The following GSE1 variants were observed in gnomAD, a reference collection of about 807,000 sequenced individuals.
GSE1 encodes genetic suppressor element 1.
In GSE1, 32 loss-of-function variants were observed where a neutral mutation model predicts 112.6. That is an observed-to-expected ratio of 0.28 (90% CI 0.21 to 0.38). The LOEUF (loss-of-function observed/expected upper bound fraction) is 0.38. Among genes scored for constraint, GSE1 ranks in the 10% least tolerant of loss-of-function variants. GSE1 has a pLI of 1.00. For missense variants in GSE1, 2,348 were observed against 1,699.2 expected, an observed-to-expected ratio of 1.38 and a Z score of -6.71; for synonymous variants, 1,115 against 735.6, an observed-to-expected ratio of 1.52 and a Z score of -8.35.
intron 1 of GSE1, among the ~76,000 whole-genome samples, chr16:85,624,710 G>A (rs1323450915): frequency 6.6e-6 from 1 of 152,234 alleles, no homozygotes; most frequent in African/African-American, 2.4e-5. Context: ...TAGGCTGGGA[G>A]TGAGCATCCC....
At chr16:85,597,950 C>T (rs1479656469) in intron 1 of GSE1, among the ~76,000 whole-genome samples, 3 of 152,102 alleles carry the variant, frequency 2.0e-5, no homozygotes, top group Non-Finnish European at 4.4e-5. Flanking sequence ...GATCGGCCCT[C>T]AGGGTATTCA....
chr16:85,555,677 C>G (rs1396203728), upstream of GSE1: 5 of 864,706 alleles, frequency 5.8e-6, no homozygotes, highest in African/African-American at 3.8e-5. Context: ...CTCCCGCCGC[C>G]CCCCCCTTCC....
chr16:85,233,614 G>C (rs934214711), intron 1 of GSE1, among the ~76,000 whole-genome samples: 4 of 152,222 alleles, frequency 2.6e-5, no homozygotes, highest in Non-Finnish European at 5.9e-5. Flanking sequence ...TGTGGCCTCT[G>C]CATGTGTGTG....
intron 1 of GSE1, among the ~76,000 whole-genome samples, chr16:85,221,787 C>T (rs926513503): frequency 3.3e-5 from 5 of 149,554 alleles, no homozygotes; most frequent in Admixed American, 6.7e-5. Flanking sequence ...CCTGGCATCT[C>T]GGGGTGGGGT....
In GSE1 at chr16:85,443,506, C is replaced by T. The variant is rs564114047; in HGVS notation, c.2464+85863C>T. 1.5e-3 allele frequency among the ~76,000 whole-genome samples: 235 copies of T among 152,310 alleles called. 2 individuals are homozygous for T. Among genetic ancestry groups the T allele is most frequent in the Non-Finnish European group, 2.2e-3 (151 of 68,032 alleles). On this transcript the variant is annotated intron_variant, in intron 2 of 2. Transcript: ENST00000637419. The stretch of plus-strand genomic sequence containing the variant: ...TGGATGGAAGGCGCTTCCACCTGGC[C>T]CATGGTAATGTTTATATAAGCGTTA...
intron 1 of GSE1, among the ~76,000 whole-genome samples, chr16:85,195,778 G>T (rs1393230062): frequency 6.6e-6 from 1 of 152,212 alleles, no homozygotes; most frequent in South Asian, 2.1e-4. Flanking sequence ...GGAAAGGTTA[G>T]AAAGAATGAG....
At chr16:85,325,980 C>G (rs966377480) in intron 1 of GSE1, among the ~76,000 whole-genome samples, 5 of 152,060 alleles carry the variant, frequency 3.3e-5, no homozygotes, top group Non-Finnish European at 2.9e-5. Context: ...AACTCCTGAC[C>G]TCATGATCCA....
chr16:85,618,279 T>C (rs2151607465), intron 1 of GSE1, among the ~76,000 whole-genome samples: 1 of 152,182 alleles, frequency 6.6e-6, no homozygotes, highest in East Asian at 1.9e-4. Context: ...CCCACCCCCA[T>C]GTTCTCATCT....
intron 1 of GSE1, among the ~76,000 whole-genome samples, chr16:85,613,868 G>GC (rs2048176183): frequency 1.3e-5 from 2 of 148,670 alleles, no homozygotes; most frequent in South Asian, 4.4e-4. Context: ...GTGGGGGGGG[G>GC]GGGTGCTCGC....
intron 2 of GSE1, among the ~76,000 whole-genome samples, chr16:85,387,101 C>T (rs1426026501): frequency 6.6e-6 from 1 of 152,162 alleles, no homozygotes; most frequent in East Asian, 1.9e-4. Context: ...TGCCACTGCC[C>T]GACCACCGTG....
intron 1 of GSE1, among the ~76,000 whole-genome samples, chr16:85,212,431 C>T (rs1262633467): frequency 6.6e-6 from 1 of 151,940 alleles, no homozygotes; most frequent in East Asian, 1.9e-4. Context: ...AAAAAACAAA[C>T]CTGGGGTAGA....
At chr16:85,218,802 C>G (rs1021316660) in intron 1 of GSE1, among the ~76,000 whole-genome samples, 5 of 152,222 alleles carry the variant, frequency 3.3e-5, no homozygotes, top group African/African-American at 9.7e-5. Context: ...AGCCAGGCAC[C>G]CTTTGCATAT....
rs28480365 is a variant in GSE1, at chr16:85,436,716, C to G, written c.2464+79073C>G. Among the ~76,000 whole-genome samples the G allele has an allele frequency of 9.3e-3, 1,419 of 152,344 alleles. 16 individuals carry two copies. Among genetic ancestry groups the G allele is most frequent in the African/African-American group, 0.032 (1,348 of 41,584 alleles). On this transcript the variant is annotated intron_variant, in intron 2 of 2. Transcript: ENST00000637419. ...CCCCGAAGGGCCCGTGGGCGCCTGT[C>G]TCCTGCCCGAGGGGCGGGCCAGCTG...
At chr16:85,223,312 C>T (rs780367292) in intron 1 of GSE1, among the ~76,000 whole-genome samples, 33 of 152,302 alleles carry the variant, frequency 2.2e-4, no homozygotes, top group Non-Finnish European at 3.5e-4. Flanking sequence ...CATTTGAGGT[C>T]AGGAGTTCGA....
intron 1 of GSE1, among the ~76,000 whole-genome samples, chr16:85,201,493 A>G (rs1314304010): frequency 1.3e-5 from 2 of 151,914 alleles, no homozygotes; most frequent in East Asian, 1.9e-4. Context: ...CGCCATCTGT[A>G]CCACAAAAAT....
At chr16:85,207,799 C>G (rs1217748137) in intron 1 of GSE1, 2 of 152,296 alleles carry the variant, frequency 1.3e-5, no homozygotes, top group Non-Finnish European at 2.9e-5. Flanking sequence ...CACACACCCA[C>G]TCCCGGTCAC....
Position 85,240,533 on chromosome 16 carries a change from G to T in GSE1, c.2283+68726G>T, listed in dbSNP as rs192931163. Among the ~76,000 whole-genome samples, 54 of 152,372 alleles carry T rather than the reference G, an allele frequency of 3.5e-4. 1 individual carries two copies. Among genetic ancestry groups the T allele is most frequent in the African/African-American group, 1.3e-3 (53 of 41,584 alleles). On this transcript the variant is annotated intron_variant, in intron 1 of 2. Transcript: ENST00000637419. The stretch of plus-strand genomic sequence containing the variant: ...TTCGCAGCCCAGGAGTCCTGGCAGG[G>T]GCGAGGGGCCGGTCACTGAGGCTCT...
chr16:85,416,209 A>G (rs909553433), intron 2 of GSE1, among the ~76,000 whole-genome samples: 2 of 152,156 alleles, frequency 1.3e-5, no homozygotes, highest in Non-Finnish European at 2.9e-5. Flanking sequence ...CGCCTTTACA[A>G]TAGTTTATGT....
chr16:85,191,611 A>G (rs116472411), intron 1 of GSE1, among the ~76,000 whole-genome samples: 1,967 of 152,218 alleles, frequency 0.013, 44 homozygotes, highest in African/African-American at 0.045. Flanking sequence ...TCAAGTTGAG[A>G]TGGAACTCTA....
Sources: allele counts gnomAD v4.1 joint callset (sites outside exome capture counted in the v4.1 genomes callset), GRCh38; gene constraint gnomAD v4.1.1; transcripts MANE v1.5; gene names NCBI Gene and HGNC (gene_info 2026-07-23, HGNC 2026-07-21).